The following KIF16B variants were observed in gnomAD, a reference collection of about 807,000 sequenced individuals.
KIF16B encodes the protein kinesin family member 16B, also known as kinesin-like protein KIF16B.
A neutral mutation model predicts 156.3 loss-of-function variants in KIF16B; 98 were observed. The observed-to-expected ratio is 0.63, with a 90% CI of 0.53 to 0.74. The LOEUF (loss-of-function observed/expected upper bound fraction) is 0.74. KIF16B is among the 30% of genes least tolerant of loss of function. The probability of loss-of-function intolerance (pLI) is 0.00; values close to 1 mark genes in which losing one functional copy is unlikely to be tolerated. For missense variants in KIF16B, 1,421 were observed against 1,606.5 expected, an observed-to-expected ratio of 0.88 and a Z score of 1.97; for synonymous variants, 564 against 583.7, an observed-to-expected ratio of 0.97 and a Z score of 0.49.
At chr20:16,320,393 G>A (rs2063756664) in intron 24 of KIF16B, among the ~76,000 whole-genome samples, 1 of 151,872 alleles carries the variant, frequency 6.6e-6, no homozygotes, top group South Asian at 2.1e-4. Flanking sequence ...AAAAATCAGT[G>A]CCTCTGCACC....
At chr20:16,415,007 G>C (rs2066052340) in intron 15 of KIF16B, among the ~76,000 whole-genome samples, 1 of 152,102 alleles carries the variant, frequency 6.6e-6, no homozygotes, top group Admixed American at 6.6e-5. Context: ...TGCTCAATAG[G>C]TTAGGTGTAT....
intron 12 of KIF16B, among the ~76,000 whole-genome samples, chr20:16,451,462 A>G (rs1046871403): frequency 6.6e-6 from 1 of 151,998 alleles, no homozygotes; most frequent in Non-Finnish European, 1.5e-5. Context: ...AGCACTCCTA[A>G]GTAATTTGAA....
At chr20:16,472,553 TAAAAAA>T (rs11318601) in intron 12 of KIF16B, among the ~76,000 whole-genome samples, 2 of 113,562 alleles carry the variant, frequency 1.8e-5, no homozygotes, top group Non-Finnish European at 3.5e-5. Flanking sequence ...CATCTGAAAT[TAAAAAA>T]AAAAAAAAAA....
intron 12 of KIF16B, among the ~76,000 whole-genome samples, chr20:16,489,829 G>A (rs969412479): frequency 6.6e-5 from 10 of 152,046 alleles, no homozygotes; most frequent in African/African-American, 1.9e-4. Context: ...CCAGCTCCCC[G>A]GTGATGTTGA....
chr20:16,397,293 C>G (rs533417492), intron 17 of KIF16B, among the ~76,000 whole-genome samples: 73 of 152,356 alleles, frequency 4.8e-4, no homozygotes, highest in African/African-American at 1.8e-3. Context: ...AGTCACCAGG[C>G]TTCTCTGCCT....
intron 24 of KIF16B, among the ~76,000 whole-genome samples, chr20:16,330,644 G>T (rs2063931899): frequency 6.6e-6 from 1 of 152,196 alleles, no homozygotes; most frequent in Non-Finnish European, 1.5e-5. Context: ...AAGGTGACAT[G>T]CCAAGTTTGT....
intron 25 of KIF16B, among the ~76,000 whole-genome samples, chr20:16,309,736 C>A (rs1428995146): frequency 6.6e-6 from 1 of 152,162 alleles, no homozygotes; most frequent in African/African-American, 2.4e-5. Context: ...TATTAATAAT[C>A]AGTTGGATAA....
At position 16,537,669 on chromosome 20, in the gene KIF16B, C is replaced by G. The variant is rs111722393; in HGVS notation, c.48-9229G>C. Among the ~76,000 whole-genome samples the G allele has an allele frequency of 5.8e-3, 878 of 151,596 alleles. 11 individuals carry two copies. The highest frequency in any genetic ancestry group is 0.02 in the African/African-American group (832 of 41,270). ...CATACTAAAGTATCTTCCCACTTCC[C>G]ACCCACATGTTCTTTTTCTTTTTTT... On this transcript the variant is annotated intron_variant, in intron 1 of 25. Coordinates refer to ENST00000354981, the MANE Select transcript of KIF16B (RefSeq NM_024704.5).
chr20:16,449,211 A>G (rs1429640290), intron 12 of KIF16B, among the ~76,000 whole-genome samples: 1 of 152,200 alleles, frequency 6.6e-6, no homozygotes, highest in Non-Finnish European at 1.5e-5. Flanking sequence ...AGAGGCCAGC[A>G]CCTGACCAAA....
intron 3 of KIF16B, among the ~76,000 whole-genome samples, chr20:16,524,774 C>G (rs940412646): frequency 3.3e-5 from 5 of 152,160 alleles, no homozygotes; most frequent in African/African-American, 1.2e-4. Context: ...TTGGAACCAA[C>G]CCGAATGCCC....
chr20:16,509,560 T>G (rs2068893200), intron 6 of KIF16B, among the ~76,000 whole-genome samples: 1 of 152,232 alleles, frequency 6.6e-6, no homozygotes, highest in Admixed American at 6.5e-5. Context: ...TCTTTTACTA[T>G]GAGTGAAATG....
chr20:16,284,967 C>G (rs1013089319), intron 25 of KIF16B, among the ~76,000 whole-genome samples: 6 of 152,234 alleles, frequency 3.9e-5, no homozygotes, highest in African/African-American at 9.6e-5. Context: ...CAGTACGAAG[C>G]ATCCCAGAGC....
intron 12 of KIF16B, among the ~76,000 whole-genome samples, chr20:16,468,833 A>G (rs1009932891): frequency 1.3e-5 from 2 of 152,176 alleles, no homozygotes; most frequent in Non-Finnish European, 2.9e-5. Context: ...AGTACTGTCA[A>G]TTAAGGGAAT....
chr20:16,298,589 TG>T (rs1416046981), intron 25 of KIF16B, among the ~76,000 whole-genome samples: 1 of 152,176 alleles, frequency 6.6e-6, no homozygotes, highest in Non-Finnish European at 1.5e-5. Context: ...AGTGCAGTCA[TG>T]GGAAGCAGTC....
chr20:16,334,552 T>C (rs1265927754), intron 24 of KIF16B, among the ~76,000 whole-genome samples: 1 of 152,224 alleles, frequency 6.6e-6, no homozygotes, highest in Non-Finnish European at 1.5e-5. Context: ...GCTTAAGATA[T>C]GGTTTGGATG....
intron 17 of KIF16B, among the ~76,000 whole-genome samples, chr20:16,398,010 T>C (rs2065554920): frequency 6.6e-6 from 1 of 152,200 alleles, no homozygotes; most frequent in African/African-American, 2.4e-5. Context: ...TCAAGAAGCC[T>C]ACATCAATTA....
At chr20:16,441,684 T>C (rs981266952) in intron 12 of KIF16B, among the ~76,000 whole-genome samples, 1 of 152,166 alleles carries the variant, frequency 6.6e-6, no homozygotes, top group Non-Finnish European at 1.5e-5. Flanking sequence ...GCTATGATTT[T>C]CTGTATCCTC....
intron 24 of KIF16B, among the ~76,000 whole-genome samples, chr20:16,316,549 G>A (rs563294077): frequency 6.6e-6 from 1 of 152,232 alleles, no homozygotes; most frequent in South Asian, 2.1e-4. Flanking sequence ...AAATAAAGGA[G>A]TCTCTGAAAA....
intron 15 of KIF16B, among the ~76,000 whole-genome samples, chr20:16,408,861 C>T (rs779676821): frequency 4.6e-5 from 7 of 152,080 alleles, no homozygotes. Flanking sequence ...AGCACCTGTA[C>T]TCAACAAATC....
Sources: gnomAD v4.1 joint callset for allele counts (sites outside exome capture counted in the v4.1 genomes callset) on GRCh38, gnomAD v4.1.1 for gene constraint, MANE v1.5 for transcripts, NCBI Gene and HGNC (gene_info 2026-07-23, HGNC 2026-07-21) for gene names.